The following SNX13 variants were observed in gnomAD, a reference collection of about 807,000 sequenced individuals.
The protein encoded by SNX13 is sorting nexin 13.
A neutral mutation model predicts 133.6 loss-of-function variants in SNX13; 45 were observed. The ratio of observed to expected loss-of-function variants is 0.34; its 90% CI spans 0.27 to 0.43. The LOEUF (loss-of-function observed/expected upper bound fraction) is 0.43. SNX13 is among the 20% of genes least tolerant of loss of function. The probability of loss-of-function intolerance (pLI) is 1.00; values close to 1 mark genes in which losing one functional copy is unlikely to be tolerated. For synonymous variants in SNX13, 414 were observed against 373.9 expected (o/e 1.11, Z -1.24); for missense variants, 1,032 against 1,145.1 (o/e 0.90, Z 1.43).
intron 17 of SNX13, among the ~76,000 whole-genome samples, chr7:17,822,371 A>C (rs1787396813): frequency 6.6e-6 from 1 of 151,956 alleles, no homozygotes; most frequent in Non-Finnish European, 1.5e-5. Flanking sequence ...ATCTTTCTGC[A>C]CTCTACAATT....
chr7:17,836,322 G>A (rs977513927), intron 13 of SNX13, among the ~76,000 whole-genome samples: 15 of 151,948 alleles, frequency 9.9e-5, no homozygotes, highest in African/African-American at 3.6e-4. Context: ...TTCGAGAACA[G>A]CCTGGCCCAC....
intron 16 of SNX13, among the ~76,000 whole-genome samples, chr7:17,828,257 A>G (rs181018428): frequency 6.6e-6 from 1 of 151,916 alleles, no homozygotes; most frequent in East Asian, 1.9e-4. Flanking sequence ...ACAAAACTAC[A>G]TTTGATTTAG....
At position 17,940,345 on chromosome 7, in the gene SNX13, C is replaced by A. The variant is rs764012958; in HGVS notation, c.-50G>T. 13 of 1,555,590 alleles carry A rather than the reference C, an allele frequency of 8.4e-6. No individual in the cohort carries two copies. Among genetic ancestry groups the A allele is most frequent in the Non-Finnish European group, 5.2e-6 (6 of 1,149,508 alleles). ...CCTCCCTAGCCTCGCCTCATGGCAA[C>A]AGCCGTAGCAGCAGCGAAAACTGCT... On this transcript the variant is annotated 5_prime_UTR_variant, in exon 1 of 26. Transcript: ENST00000428135.
intron 15 of SNX13, chr7:17,832,367 T>C (rs1232107711): frequency 1.0e-6 from 1 of 984,472 alleles, no homozygotes. Flanking sequence ...CAAAAATTAC[T>C]TCCACAGAAT....
At chr7:17,901,996 CAAAA>C (rs966603313) in intron 1 of SNX13, among the ~76,000 whole-genome samples, 1 of 151,948 alleles carries the variant, frequency 6.6e-6, no homozygotes, top group Non-Finnish European at 1.5e-5. Context: ...AAGAAATTTT[CAAAA>C]AAGAGTCAAA....
At chr7:17,800,489 C>T (rs1784500256) in intron 22 of SNX13, among the ~76,000 whole-genome samples, 1 of 151,590 alleles carries the variant, frequency 6.6e-6, no homozygotes, top group African/African-American at 2.4e-5. Context: ...AATCCATATA[C>T]AAAAATCAAT....
chr7:17,928,195 T>C (rs974914482), intron 1 of SNX13, among the ~76,000 whole-genome samples: 3 of 152,130 alleles, frequency 2.0e-5, no homozygotes, highest in Non-Finnish European at 2.9e-5. Flanking sequence ...ATAGGAGCTA[T>C]CATTTATTAA....
At chr7:17,897,492 C>A (rs2127999446) in intron 1 of SNX13, 46 bp from the exon 2 acceptor site, 3 of 1,095,906 alleles carry the variant, frequency 2.7e-6, no homozygotes, top group East Asian at 5.5e-5. Flanking sequence ...TAATTCTCCA[C>A]ATGAATTAGA....
intron 5 of SNX13, chr7:17,882,891 C>A: frequency 7.9e-7 from 1 of 1,260,150 alleles, no homozygotes; most frequent in Non-Finnish European, 1.0e-6. Context: ...GCGGAGGTTG[C>A]AGTGAGCCGA....
At chr7:17,822,969 A>G (rs1467413376) in intron 17 of SNX13, among the ~76,000 whole-genome samples, 1 of 151,996 alleles carries the variant, frequency 6.6e-6, no homozygotes, top group African/African-American at 2.4e-5. Flanking sequence ...TTGTTTTTCT[A>G]CTGATGGTAG....
intron 21 of SNX13, 82 bp from the exon 22 acceptor site, chr7:17,801,741 G>A (rs1466397037): frequency 4.0e-6 from 4 of 1,005,608 alleles, no homozygotes; most frequent in Non-Finnish European, 5.9e-6. Flanking sequence ...ACCTAAATGA[G>A]TATCAGCATT....
intron 17 of SNX13, among the ~76,000 whole-genome samples, chr7:17,823,618 T>C (rs961710655): frequency 6.6e-6 from 1 of 152,228 alleles, no homozygotes; most frequent in Admixed American, 6.5e-5. Flanking sequence ...TGACTAGAAA[T>C]AGACTTTGGA....
chr7:17,822,944 T>C (rs1165527925), intron 17 of SNX13, among the ~76,000 whole-genome samples: 1 of 152,186 alleles, frequency 6.6e-6, no homozygotes, highest in Non-Finnish European at 1.5e-5. Context: ...TTTCCAGTCA[T>C]GATCTTGACA....
At chr7:17,917,896 A>G (rs1180690537) in intron 1 of SNX13, among the ~76,000 whole-genome samples, 1 of 152,098 alleles carries the variant, frequency 6.6e-6, no homozygotes, top group Non-Finnish European at 1.5e-5. Context: ...ACTATACCAC[A>G]TTACCTGACT....
intron 1 of SNX13, among the ~76,000 whole-genome samples, chr7:17,931,392 T>C (rs896820497): frequency 1.3e-5 from 2 of 152,258 alleles, no homozygotes; most frequent in African/African-American, 4.8e-5. Context: ...GGTGAAATTT[T>C]ATTTCACATT....
intron 17 of SNX13, among the ~76,000 whole-genome samples, chr7:17,825,077 T>C (rs1301223655): frequency 1.3e-5 from 2 of 152,160 alleles, no homozygotes; most frequent in African/African-American, 4.8e-5. Flanking sequence ...CCTGAAATAA[T>C]TTCTTAACAA....
chr7:17,900,437 G>A (rs1017898754), intron 1 of SNX13, among the ~76,000 whole-genome samples: 1 of 152,192 alleles, frequency 6.6e-6, no homozygotes, highest in African/African-American at 2.4e-5. Context: ...GTCAAGAGAT[G>A]CTTCTGGAAG....
intron 22 of SNX13, among the ~76,000 whole-genome samples, chr7:17,799,623 A>C (rs1163985338): frequency 1.3e-5 from 2 of 151,812 alleles, no homozygotes; most frequent in Non-Finnish European, 3.0e-5. Flanking sequence ...GTATGTATTT[A>C]TGTACTTTCA....
Position 17,821,682 on chromosome 7 carries a change from C to G in SNX13, c.1706-34G>C, listed in dbSNP as rs200725940. The G allele has an allele frequency of 1.1e-4, 165 of 1,557,518 alleles. No individual in the cohort carries two copies. The African/African-American group carries it at 2.1e-3, about 20-fold the overall frequency. On this transcript the variant is annotated intron_variant, in intron 17 of 25. Coordinates refer to ENST00000428135, the MANE Select transcript of SNX13 (RefSeq NM_015132.5). ...GCATATGGGTCATAGTCAGCATATACTAATCATTTAAAACAAAATGAAGAG... is the reference window on the plus strand; with the variant it reads ...GCATATGGGTCATAGTCAGCATATAGTAATCATTTAAAACAAAATGAAGAG...
Sources: gnomAD v4.1 joint callset for allele counts (sites outside exome capture counted in the v4.1 genomes callset) on GRCh38, gnomAD v4.1.1 for gene constraint, MANE v1.5 for transcripts, NCBI Gene and HGNC (gene_info 2026-07-23, HGNC 2026-07-21) for gene names.